PRCP: variants seen among roughly 807,000 people sequenced by gnomAD.
The protein encoded by PRCP is lysosomal Pro-X carboxypeptidase.
Under a neutral mutation model 54.2 loss-of-function variants are expected in PRCP, and 46 were observed. That is an observed-to-expected ratio of 0.85 (90% CI 0.67 to 1.09). The LOEUF is 1.09. Among genes scored for constraint, PRCP ranks in the 50% least tolerant of loss-of-function variants. The pLI, the probability that PRCP is intolerant of heterozygous loss-of-function variation, is 0.00. For missense variants in PRCP, 613 were observed against 596.8 expected, an observed-to-expected ratio of 1.03 and a Z score of -0.28; for synonymous variants, 240 against 212.2, an observed-to-expected ratio of 1.13 and a Z score of -1.14.
chr11:82,841,936 T>C (rs930315492), intron 6 of PRCP, among the ~76,000 whole-genome samples: 3 of 152,346 alleles, frequency 2.0e-5, no homozygotes, highest in Admixed American at 6.5e-5. Flanking sequence ...TGGACATAGA[T>C]TCAGCTCTTT....
At chr11:82,880,089 C>A (rs974213506) in intron 1 of PRCP, among the ~76,000 whole-genome samples, 1 of 152,216 alleles carries the variant, frequency 6.6e-6, no homozygotes, top group Non-Finnish European at 1.5e-5. Context: ...ATTAAGTCTG[C>A]AGAAGTTTCT....
Position 82,859,989 on chromosome 11 carries a change from A to G in PRCP, c.297T>C (p.Phe99=). Residue 99 remains phenylalanine (F), a synonymous_variant, in exon 2 of 9, where the codon TTT becomes TTC. Transcript: ENST00000313010. ...YTGNEGDIIW[F]CNNTGFMWDV... Reference sequence around the variant, plus strand: ...AATCTGCACATACCGTGTTATTACAAAACCAGATAATGTCCCCTTCATTAC... The same window carrying G: ...AATCTGCACATACCGTGTTATTACAGAACCAGATAATGTCCCCTTCATTAC... 6.3e-7 allele frequency: 1 copy of G among 1,582,556 alleles called. No homozygotes were observed. The highest frequency in any genetic ancestry group is 8.6e-7 in the Non-Finnish European group (1 of 1,167,582).
intron 2 of PRCP, among the ~76,000 whole-genome samples, chr11:82,853,956 C>G (rs1017888421): frequency 1.3e-5 from 2 of 152,066 alleles, no homozygotes; most frequent in East Asian, 1.9e-4. Flanking sequence ...ATTCAACATC[C>G]CTTCATGGTA....
intron 6 of PRCP, among the ~76,000 whole-genome samples, chr11:82,844,262 A>C (rs1264353613): frequency 6.6e-6 from 1 of 152,122 alleles, no homozygotes; most frequent in Admixed American, 6.5e-5. Flanking sequence ...ACCACACAGC[A>C]AGGAAGTGGC....
intron 2 of PRCP, chr11:82,858,791 TTG>T (rs1330199874): frequency 1.3e-5 from 2 of 152,216 alleles, no homozygotes; most frequent in African/African-American, 4.8e-5. Context: ...GAGATTTCTC[TTG>T]TCTCCTTTCC....
At chr11:82,894,331 T>A (rs778526721) in intron 1 of PRCP, among the ~76,000 whole-genome samples, 33 of 152,220 alleles carry the variant, frequency 2.2e-4, no homozygotes, top group Non-Finnish European at 1.5e-5. Flanking sequence ...AAAAACACTT[T>A]ATATGTTATG....
At chr11:82,860,438 T>A (rs577083595) in intron 1 of PRCP, among the ~76,000 whole-genome samples, 3 of 152,252 alleles carry the variant, frequency 2.0e-5, no homozygotes, top group South Asian at 2.1e-4. Flanking sequence ...AACCCTTTTT[T>A]AATTTTTAAT....
chr11:82,877,464 G>C (rs1007336029), intron 1 of PRCP, among the ~76,000 whole-genome samples: 2 of 152,156 alleles, frequency 1.3e-5, no homozygotes, highest in African/African-American at 4.8e-5. Flanking sequence ...GGAAAAAGTG[G>C]TTACGTGGGC....
intron 8 of PRCP, chr11:82,826,511 A>T (rs1858238268): frequency 6.6e-6 from 1 of 152,208 alleles, no homozygotes; most frequent in South Asian, 2.1e-4. Flanking sequence ...ATATAGTAAC[A>T]ACCTATTAAT....
chr11:82,886,728 C>G (rs1246436809), intron 1 of PRCP, among the ~76,000 whole-genome samples: 6 of 152,218 alleles, frequency 3.9e-5, no homozygotes, highest in African/African-American at 1.4e-4. Flanking sequence ...TGCAATCATG[C>G]ATAAATCACT....
Position 82,853,267 on chromosome 11 carries a change from C to A in PRCP, c.321G>T (p.Trp107Cys), listed in dbSNP as rs745794657. ...TAGCTTTCAGTTCCTCAGCCACATC[C>A]CACATGAACCCCTAAGAAGAGTTTA... ...IWFCNNTGFM[W>C]DVAEELKAML... Residue 107 changes from tryptophan (W) to cysteine (C), a missense_variant, in exon 3 of 9, where the codon TGG becomes TGT. Trp to Cys is a radical substitution (Grantham distance 215). Coordinates refer to ENST00000313010, the MANE Select transcript of PRCP (RefSeq NM_005040.4). The A allele has an allele frequency of 1.2e-6, 2 of 1,610,632 alleles. No individual in the cohort carries two copies. Among genetic ancestry groups the A allele is most frequent in the South Asian group, 2.2e-5 (2 of 90,670 alleles).
At chr11:82,841,961 T>C (rs3862768) in intron 6 of PRCP, among the ~76,000 whole-genome samples, 79,403 of 152,030 alleles carry the variant, frequency 0.52, 21,669 homozygotes, top group African/African-American at 0.69. Context: ...ATGCAGCACA[T>C]AACTACAAAG....
At chr11:82,862,056 T>C (rs764634682) in intron 1 of PRCP, among the ~76,000 whole-genome samples, 9 of 150,388 alleles carry the variant, frequency 6.0e-5, no homozygotes, top group Non-Finnish European at 1.2e-4. Context: ...TCAGTAACCA[T>C]AATATGACTA....
intron 2 of PRCP, among the ~76,000 whole-genome samples, chr11:82,855,192 A>C (rs1367104236): frequency 6.6e-6 from 1 of 152,252 alleles, no homozygotes; most frequent in African/African-American, 2.4e-5. Flanking sequence ...GGACCTAATT[A>C]AACTAAAGAG....
chr11:82,879,363 T>G (rs1212972441), intron 1 of PRCP, among the ~76,000 whole-genome samples: 1 of 152,254 alleles, frequency 6.6e-6, no homozygotes, highest in Non-Finnish European at 1.5e-5. Context: ...TCTCGTGCCA[T>G]GGTTTTCAGC....
chr11:82,842,598 T>A (rs1417733244), intron 6 of PRCP, among the ~76,000 whole-genome samples: 3 of 152,168 alleles, frequency 2.0e-5, no homozygotes, highest in African/African-American at 7.2e-5. Flanking sequence ...TGGGGCTAAA[T>A]CTTTCTTATA....
chr11:82,877,587 G>C (rs554610757), intron 1 of PRCP, among the ~76,000 whole-genome samples: 2 of 152,236 alleles, frequency 1.3e-5, no homozygotes, highest in African/African-American at 4.8e-5. Context: ...TGACTTCAGA[G>C]GGTGGGAGCC....
At chr11:82,832,587 G>A (rs1287268339) in intron 8 of PRCP, among the ~76,000 whole-genome samples, 1 of 152,152 alleles carries the variant, frequency 6.6e-6, no homozygotes, top group African/African-American at 2.4e-5. Flanking sequence ...TAAGTTCCTT[G>A]TAGATTCTAG....
rs1555014890 is a variant in PRCP, at chr11:82,850,114, A to AAAAT, written c.594-44_594-43insATTT. 120 of 816,358 alleles carry AAAAT rather than the reference A, an allele frequency of 1.5e-4. 3 individuals are homozygous for AAAAT. The highest frequency in any genetic ancestry group is 4.4e-4 in the Middle Eastern group (1 of 2,298). 50.6% of individuals were successfully genotyped at this position (816,358 alleles called of 1,614,324 possible). On this transcript the variant is annotated intron_variant, in intron 4 of 8. Transcript: ENST00000313010. ...CAAAGAAAGAAAAAAGAAAAGAAAA[A>AAAAT]ATATATATATATATTATATATATGT...
Sources: allele counts gnomAD v4.1 joint callset (sites outside exome capture counted in the v4.1 genomes callset), GRCh38; gene constraint gnomAD v4.1.1; transcripts MANE v1.5; gene names NCBI Gene and HGNC (gene_info 2026-07-23, HGNC 2026-07-21).